Variants in S100PBP observed in about 807,000 individuals in gnomAD.
S100PBP encodes S100P binding protein, also known as S100P-binding protein.
S100PBP carries 15 observed loss-of-function variants against 39.9 expected under a neutral mutation model. The observed-to-expected ratio is 0.38, with a 90% CI of 0.25 to 0.58. S100PBP has a LOEUF of 0.58. Ranked by LOEUF, S100PBP falls within the 20% of genes least tolerant of loss-of-function variation. The pLI is 0.70. For synonymous variants in S100PBP, 178 were observed against 180.3 expected (o/e 0.99, Z 0.10); for missense variants, 504 against 487.3 (o/e 1.03, Z -0.32).
chr1:32,829,852 G>A (rs1217123227), intron 4 of S100PBP, 112 bp from the exon 5 acceptor site: 1 of 697,666 alleles, frequency 1.4e-6, no homozygotes, highest in Non-Finnish European at 2.5e-6. Flanking sequence ...AGATAATTTT[G>A]CCTCTGAAAC....
Position 32,839,247 on chromosome 1 carries a change from C to T in S100PBP, c.1024+9180C>T, listed in dbSNP as rs535178218. Among the ~76,000 whole-genome samples the T allele has an allele frequency of 5.9e-5, 9 of 152,322 alleles. No homozygotes were observed. In the South Asian group the frequency reaches 1.2e-3, roughly 21 times the overall value. ...TCAGACAAAGTGGTATTTGTCTTTT[C>T]GTGACTGGCTTATTTCACTTAGCAC... On this transcript the variant is annotated intron_variant, in intron 5 of 6. Coordinates refer to ENST00000373475, the MANE Select transcript of S100PBP (RefSeq NM_022753.4).
chr1:32,845,011 A>ATTTT (rs1423386933), intron 5 of S100PBP, among the ~76,000 whole-genome samples: 6 of 132,622 alleles, frequency 4.5e-5, no homozygotes, highest in African/African-American at 1.1e-4. Flanking sequence ...TTGTATTTTT[A>ATTTT]TTATTTATTT....
Position 32,826,213 on chromosome 1 carries a change from G to C in S100PBP, c.114G>C (p.Leu38Phe), listed in dbSNP as rs756275768. ...ATGAGGATGGATTGGATGACTCCTT[G>C]CTGGAGCTGTCAGAGGGAGAAGAAG... is the stretch of plus-strand genomic sequence containing the variant. ...SLDEDGLDDS[L>F]LELSEGEEDD... The change falls in exon 3 of 7, where the codon TTG becomes TTC. Residue 38 changes from leucine to phenylalanine, a missense_variant. Coordinates refer to ENST00000373475, the MANE Select transcript of S100PBP (RefSeq NM_022753.4). 3.1e-6 allele frequency: 5 copies of C among 1,614,142 alleles called. No individual in the cohort carries two copies. Among genetic ancestry groups the C allele is most frequent in the Non-Finnish European group, 4.2e-6 (5 of 1,180,000 alleles).
chr1:32,824,459 A>G (rs1316686368), intron 1 of S100PBP, among the ~76,000 whole-genome samples: 1 of 152,224 alleles, frequency 6.6e-6, no homozygotes, highest in Non-Finnish European at 1.5e-5. Context: ...TAATTATACA[A>G]CTAACTAAAT....
Position 32,826,408 on chromosome 1 carries a change from C to G in S100PBP, c.309C>G (p.Ser103Arg). The G allele has an allele frequency of 1.2e-6, 2 of 1,614,054 alleles. No homozygotes were observed. The highest frequency in any genetic ancestry group is 1.1e-5 in the South Asian group (1 of 91,070). The part of the protein sequence containing the change: ...DTPREKNSSY[S>R]LGPVAETPDL... ...CCCGAGAGAAAAATTCATCGTACAG[C>G]CTGGGACCAGTAGCTGAGACTCCTG... Residue 103 changes from serine to arginine, a missense_variant, in exon 3 of 7, where the codon AGC becomes AGG. Physicochemically the swap from Ser to Arg is moderately radical, Grantham distance 110 (BLOSUM62 -1). Transcript: ENST00000373475.
intron 4 of S100PBP, among the ~76,000 whole-genome samples, chr1:32,829,324 C>T (rs1437498655): frequency 1.3e-5 from 2 of 152,218 alleles, no homozygotes; most frequent in Non-Finnish European, 2.9e-5. Flanking sequence ...TTTAACTTTT[C>T]AGTTTCACTC....
intron 5 of S100PBP, among the ~76,000 whole-genome samples, chr1:32,844,478 T>G (rs1057223135): frequency 2.0e-5 from 3 of 152,058 alleles, no homozygotes; most frequent in Admixed American, 6.6e-5. Context: ...AAACCCTGTT[T>G]TGTTACTAAT....
At chr1:32,820,247 A>T (rs1224032208) in intron 1 of S100PBP, among the ~76,000 whole-genome samples, 2 of 141,166 alleles carry the variant, frequency 1.4e-5, no homozygotes, top group Non-Finnish European at 3.0e-5. Context: ...CCTGGGTTCC[A>T]GCGATTCTCC....
At chr1:32,828,718 A>G (rs540865696) in intron 4 of S100PBP, among the ~76,000 whole-genome samples, 9 of 152,286 alleles carry the variant, frequency 5.9e-5, no homozygotes, top group African/African-American at 2.2e-4. Context: ...AAATTTAATT[A>G]GGCCGGGCGC....
intron 5 of S100PBP, among the ~76,000 whole-genome samples, chr1:32,841,698 C>T (rs1435594973): frequency 7.1e-6 from 1 of 141,588 alleles, no homozygotes; most frequent in Non-Finnish European, 1.5e-5. Context: ...CATTGCACTC[C>T]AGCCTGGGCA....
chr1:32,837,101 T>G (rs11590675), intron 5 of S100PBP: 134,431 of 138,470 alleles, frequency 0.97, 65,369 homozygotes, highest in East Asian at 1. Flanking sequence ...AAAATTAGCC[T>G]GGTGTGGTGG....
At chr1:32,831,052 C>T (rs1216545451) in intron 5 of S100PBP, among the ~76,000 whole-genome samples, 2 of 146,192 alleles carry the variant, frequency 1.4e-5, no homozygotes, top group African/African-American at 2.6e-5. Context: ...CGCACTTTAA[C>T]ATGGGTGACA....
At chr1:32,848,827 T>G (rs1473807480) in intron 5 of S100PBP, among the ~76,000 whole-genome samples, 1 of 152,246 alleles carries the variant, frequency 6.6e-6, no homozygotes, top group East Asian at 1.9e-4. Context: ...TTGACGTCAT[T>G]CCTGAAATAT....
intron 3 of S100PBP, 108 bp from the exon 4 acceptor site, chr1:32,827,885 A>C (rs1639409838): frequency 1.4e-6 from 1 of 708,104 alleles, no homozygotes. Flanking sequence ...GTTCACGAAT[A>C]GGCTTTTGTA....
chr1:32,847,749 A>T (rs1193325655), intron 5 of S100PBP: 1 of 151,600 alleles, frequency 6.6e-6, no homozygotes, highest in Non-Finnish European at 1.5e-5. Context: ...CTTGCCTTCT[A>T]CTTATTTTTT....
intron 4 of S100PBP, 80 bp from the exon 5 acceptor site, chr1:32,829,884 T>C: frequency 1.1e-6 from 1 of 917,992 alleles, no homozygotes; most frequent in Non-Finnish European, 1.8e-6. Context: ...CAATCAGCAG[T>C]ATATCACTTC....
Position 32,826,674 on chromosome 1 carries a change from A to G in S100PBP, c.575A>G (p.Lys192Arg), listed in dbSNP as rs1639343654. The G allele has an allele frequency of 6.2e-6, 10 of 1,614,196 alleles. No homozygotes were observed. The highest frequency in any genetic ancestry group is 7.6e-6 in the Non-Finnish European group (9 of 1,180,040). Residue 192 changes from lysine (K) to arginine (R), a missense_variant, in exon 3 of 7, where the codon AAA becomes AGA. Coordinates refer to ENST00000373475, the MANE Select transcript of S100PBP (RefSeq NM_022753.4). ...REDGLSPNES[K>R]LCTESEGISP... ...GATGGTCTTAGCCCAAATGAAAGCA[A>G]ACTTTGTACTGAATCTGAAGGGATC...
At chr1:32,821,737 C>T (rs969936928) in intron 1 of S100PBP, among the ~76,000 whole-genome samples, 1 of 151,600 alleles carries the variant, frequency 6.6e-6, no homozygotes, top group African/African-American at 2.4e-5. Context: ...TGGGTTTCAG[C>T]GAGTCTCCTG....
upstream of S100PBP, chr1:32,817,403 G>C: frequency 1.2e-6 from 1 of 857,472 alleles, no homozygotes; most frequent in South Asian, 1.5e-5. Context: ...TCCGGCAGCG[G>C]CCGGAAAAAG....
Sources: gnomAD v4.1 joint callset for allele counts (sites outside exome capture counted in the v4.1 genomes callset) on GRCh38, gnomAD v4.1.1 for gene constraint, MANE v1.5 for transcripts, NCBI Gene and HGNC (gene_info 2026-07-23, HGNC 2026-07-21) for gene names.